Variants in FKBP14 observed in about 807,000 individuals in gnomAD.
FKBP14 encodes peptidyl-prolyl cis-trans isomerase FKBP14.
Under a neutral mutation model 21.6 loss-of-function variants are expected in FKBP14, and 20 were observed. The ratio of observed to expected loss-of-function variants is 0.92; its 90% confidence interval spans 0.65 to 1.34. The LOEUF (loss-of-function observed/expected upper bound fraction) is 1.34. Among genes scored for constraint, FKBP14 ranks in the 40% most tolerant of loss-of-function variants. The pLI is 0.00. For synonymous variants in FKBP14, 79 were observed against 86.7 expected (o/e 0.91, Z 0.49); for missense variants, 253 against 249.0 (o/e 1.02, Z -0.11).
chr7:30,019,867 C>T (rs1253579230), intron 2 of FKBP14, among the ~76,000 whole-genome samples: 1 of 152,046 alleles, frequency 6.6e-6, no homozygotes, highest in Non-Finnish European at 1.5e-5. Context: ...AGTTAGGAAA[C>T]ACTACCTCTG....
chr7:30,022,413 C>A (rs745770318), intron 2 of FKBP14: 4 of 290,242 alleles, frequency 1.4e-5, no homozygotes, highest in Non-Finnish European at 2.5e-5. Flanking sequence ...AAACAACCCA[C>A]CATATTTGTG....
rs1452276627 is a variant in FKBP14, at chr7:30,022,651, A to G, written c.349+14T>C. ...TCTAGTGCTATAGTAAGAAAAATAC[A>G]GAAATACTATTACCTTTTCCTTCTT... On this transcript the variant is annotated intron_variant, in intron 2 of 3. Transcript: ENST00000222803. 6.2e-7 allele frequency: 1 copy of G among 1,606,160 alleles called. No homozygotes were observed. The highest frequency in any genetic ancestry group is 8.5e-7 in the Non-Finnish European group (1 of 1,177,528).
In FKBP14 at chr7:30,019,031, C is replaced by T. The variant is rs756055325; in HGVS notation, c.442G>A (p.Asp148Asn). The change falls in exon 3 of 4, where the codon GAT (aspartate) becomes AAT (asparagine). Residue 148 changes from aspartate to asparagine, a missense_variant. Asp to Asn is a conservative substitution (Grantham distance 23). Coordinates refer to ENST00000222803, the MANE Select transcript of FKBP14 (RefSeq NM_017946.4). ...GAGAGTTTCCAGTCATCATTAAGAT[C>T]CATTTCTTGGAATGATTCATGGGAT... ...PRSHESFQEMDLNDDWKLSKD... is the reference protein window; with the variant it reads ...PRSHESFQEMNLNDDWKLSKD... The T allele has an allele frequency of 1.2e-6, 2 of 1,607,710 alleles. No individual in the cohort carries two copies. Among genetic ancestry groups the T allele is most frequent in the Non-Finnish European group, 1.7e-6 (2 of 1,178,006 alleles).
intron 1 of FKBP14, among the ~76,000 whole-genome samples, chr7:30,023,199 G>A (rs1285328108): frequency 2.0e-5 from 3 of 152,150 alleles, no homozygotes; most frequent in African/African-American, 2.4e-5. Flanking sequence ...GGAAACACAG[G>A]TTAAGTTCCA....
chr7:30,009,377 C>G (rs531482313), downstream of FKBP14, among the ~76,000 whole-genome samples: 1 of 151,838 alleles, frequency 6.6e-6, no homozygotes, highest in African/African-American at 2.4e-5. Flanking sequence ...GGATTACATG[C>G]GTGCACCACC....
intron 3 of FKBP14, among the ~76,000 whole-genome samples, chr7:30,016,955 C>T (rs1190253674): frequency 2.0e-5 from 3 of 151,960 alleles, no homozygotes; most frequent in African/African-American, 4.8e-5. Flanking sequence ...ATCCATTAAA[C>T]TCTATGGATT....
intron 3 of FKBP14, among the ~76,000 whole-genome samples, chr7:30,015,875 T>C (rs1789871738): frequency 6.6e-6 from 1 of 152,054 alleles, no homozygotes; most frequent in South Asian, 2.1e-4. Flanking sequence ...TCTGCCCGCC[T>C]CGGCCTCCCA....
chr7:30,009,424 G>C (rs547572089), downstream of FKBP14, among the ~76,000 whole-genome samples: 11 of 151,918 alleles, frequency 7.2e-5, no homozygotes, highest in Non-Finnish European at 1.5e-4. Context: ...GTAAAGACAG[G>C]GTTTCACCAT....
chr7:30,016,540 C>T (rs1789890271), intron 3 of FKBP14, among the ~76,000 whole-genome samples: 1 of 151,898 alleles, frequency 6.6e-6, no homozygotes, highest in Non-Finnish European at 1.5e-5. Context: ...ATTACAGGCA[C>T]CTGCCACCAT....
At chr7:30,024,675 C>T (rs372899553) in intron 1 of FKBP14, among the ~76,000 whole-genome samples, 8 of 152,188 alleles carry the variant, frequency 5.3e-5, no homozygotes, top group Admixed American at 5.2e-4. Flanking sequence ...GGATTACAGG[C>T]GTGAGCCACC....
chr7:30,008,048 C>T (rs1428040345), downstream of FKBP14, among the ~76,000 whole-genome samples: 2 of 152,096 alleles, frequency 1.3e-5, no homozygotes, highest in Admixed American at 6.5e-5. Context: ...GACTCTGTCT[C>T]AACAACAACA....
chr7:30,022,942 T>G lies in FKBP14; in HGVS notation c.198-126A>C. Reference sequence around the variant, plus strand: ...AATTTATAAATACAGCAATTCTGTATTTGCACACATACACACACACCTCCA... The same window carrying G: ...AATTTATAAATACAGCAATTCTGTAGTTGCACACATACACACACACCTCCA... On this transcript the variant is annotated intron_variant, in intron 1 of 3. Coordinates refer to ENST00000222803, the MANE Select transcript of FKBP14 (RefSeq NM_017946.4). 4 of 773,796 alleles carry G rather than the reference T, an allele frequency of 5.2e-6. No homozygotes were observed. The South Asian group carries it at 7.7e-5, about 15-fold the overall frequency. 47.9% of individuals were successfully genotyped at this position (773,796 alleles called of 1,614,324 possible).
chr7:30,017,230 A>T (rs1211964319), intron 3 of FKBP14, among the ~76,000 whole-genome samples: 111 of 151,850 alleles, frequency 7.3e-4, no homozygotes, highest in Admixed American at 7.2e-3. Flanking sequence ...GGATGTGGGG[A>T]TAATAGAATA....
At chr7:30,018,719 C>T (rs934701426) in intron 3 of FKBP14, among the ~76,000 whole-genome samples, 2 of 152,146 alleles carry the variant, frequency 1.3e-5, no homozygotes, top group African/African-American at 4.8e-5. Flanking sequence ...GCATAAGATA[C>T]AGTGAACCCT....
At chr7:30,018,419 T>C (rs1415613851) in intron 3 of FKBP14, among the ~76,000 whole-genome samples, 1 of 152,250 alleles carries the variant, frequency 6.6e-6, no homozygotes, top group African/African-American at 2.4e-5. Context: ...GAGAAGCCTC[T>C]TCTTCCTTTC....
intron 3 of FKBP14, among the ~76,000 whole-genome samples, chr7:30,017,508 GCA>G (rs1381273104): frequency 6.6e-6 from 1 of 151,920 alleles, no homozygotes; most frequent in Non-Finnish European, 1.5e-5. Context: ...CACAGAGGCT[GCA>G]GTGAGCTGAG....
At position 30,019,118 on chromosome 7, in the gene FKBP14, T is replaced by G; in HGVS notation, c.355A>C (p.Ile119Leu). The G allele has an allele frequency of 6.4e-7, 1 of 1,570,096 alleles. No individual in the cohort carries two copies. Among genetic ancestry groups the G allele is most frequent in the Admixed American group, 2.1e-5 (1 of 47,824 alleles). The change falls in exon 3 of 4, where the codon ATT becomes CTT. Residue 119 changes from isoleucine (I) to leucine (L), a missense_variant. Coordinates refer to ENST00000222803, the MANE Select transcript of FKBP14 (RefSeq NM_017946.4). ...LGYGKEGKGK[I>L]PPESTLIFNI... ...AATATCAGTGTACTTTCTGGGGGAA[T>G]TTTACCTGACGTGAGGAAAGAAGGC...
At chr7:30,025,302 C>G (rs1790144834) in intron 1 of FKBP14, 1 of 152,270 alleles carries the variant, frequency 6.6e-6, no homozygotes, top group South Asian at 2.1e-4. Flanking sequence ...CTAACTACTT[C>G]AGGCCCAGTT....
chr7:30,012,709 T>G lies in FKBP14; in HGVS notation c.*2026A>C, dbSNP rs1789772378. 1 of 152,222 alleles carries G rather than the reference T, an allele frequency of 6.6e-6. No homozygotes were observed. The highest frequency in any genetic ancestry group is 1.5e-5 in the Non-Finnish European group (1 of 68,036). The allele number at this position is 152,222 out of a possible 1,614,324, so 9.4% of individuals were successfully genotyped here. On this transcript the variant is annotated 3_prime_UTR_variant, in exon 4 of 4. Transcript: ENST00000222803. ...CTGGAACCTCGCGTTGTTCAGGGTT[T>G]TTGAGGCAATTCAGAGCTAACTGCA... is the stretch of plus-strand genomic sequence containing the variant.
Sources: gnomAD v4.1 joint callset for allele counts (sites outside exome capture counted in the v4.1 genomes callset) on GRCh38, gnomAD v4.1.1 for gene constraint, MANE v1.5 for transcripts, NCBI Gene and HGNC (gene_info 2026-07-23, HGNC 2026-07-21) for gene names.